Variants in GRAMD1B observed in about 807,000 individuals in gnomAD.
GRAMD1B encodes GRAM domain containing 1B, also known as protein Aster-B.
GRAMD1B carries 37 observed loss-of-function variants against 99.7 expected under a neutral mutation model. The observed-to-expected ratio is 0.37, with a 90% CI of 0.29 to 0.49. The LOEUF (loss-of-function observed/expected upper bound fraction) is 0.49. Among genes scored for constraint, GRAMD1B ranks in the 20% least tolerant of loss-of-function variants. GRAMD1B has a pLI of 0.98. For missense variants in GRAMD1B, 888 were observed against 1,009.2 expected (o/e 0.88, Z 1.63); for synonymous variants, 427 against 387.6 (o/e 1.10, Z -1.19).
chr11:123,477,437 G>A (rs913016282), intron 1 of GRAMD1B, among the ~76,000 whole-genome samples: 6 of 151,308 alleles, frequency 4.0e-5, no homozygotes, highest in African/African-American at 1.2e-4. Context: ...TGTCTTGAGC[G>A]AATGGCAAAC....
intron 2 of GRAMD1B, among the ~76,000 whole-genome samples, chr11:123,488,549 T>C (rs1230396764): frequency 1.3e-5 from 2 of 152,224 alleles, no homozygotes; most frequent in Non-Finnish European, 2.9e-5. Flanking sequence ...TGACTTAATA[T>C]GGCCATCAGG....
At chr11:123,523,960 T>A (rs995136592) in intron 2 of GRAMD1B, among the ~76,000 whole-genome samples, 15 of 152,380 alleles carry the variant, frequency 9.8e-5, no homozygotes, top group African/African-American at 3.4e-4. Context: ...AGCCAAGGGC[T>A]GCTTTGGGAA....
intron 1 of GRAMD1B, among the ~76,000 whole-genome samples, chr11:123,396,258 TTTTTC>T (rs1177441317): frequency 1.3e-5 from 2 of 151,528 alleles, no homozygotes; most frequent in Non-Finnish European, 2.9e-5. Flanking sequence ...ATTTTTTTCT[TTTTTC>T]TTTTCTTTTC....
intron 6 of GRAMD1B, among the ~76,000 whole-genome samples, chr11:123,595,131 C>T (rs967943633): frequency 4.6e-5 from 7 of 152,082 alleles, no homozygotes; most frequent in African/African-American, 9.7e-5. Context: ...GAGGCATAGT[C>T]AAGTAGAAAG....
intron 2 of GRAMD1B, among the ~76,000 whole-genome samples, chr11:123,561,280 TGCCTCCGG>T (rs1946738722): frequency 6.6e-6 from 1 of 152,152 alleles, no homozygotes; most frequent in Admixed American, 6.5e-5. Flanking sequence ...CCCTCCGCAG[TGCCTCCGG>T]CGGGGGTAGG....
chr11:123,437,124 G>A (rs1436203713), intron 1 of GRAMD1B, among the ~76,000 whole-genome samples: 1 of 152,138 alleles, frequency 6.6e-6, no homozygotes, highest in African/African-American at 2.4e-5. Flanking sequence ...TGGTGTATAT[G>A]TGCCACATTT....
intron 2 of GRAMD1B, among the ~76,000 whole-genome samples, chr11:123,531,198 A>T (rs1943333400): frequency 6.6e-6 from 1 of 152,148 alleles, no homozygotes; most frequent in East Asian, 1.9e-4. Flanking sequence ...TGGGAATTGG[A>T]GTTTTCCCGT....
chr11:123,487,770 C>A (rs560437715), intron 2 of GRAMD1B, among the ~76,000 whole-genome samples: 1 of 152,118 alleles, frequency 6.6e-6, no homozygotes, highest in African/African-American at 2.4e-5. Flanking sequence ...TCATGCCCAG[C>A]TAATTTTTGT....
Position 123,519,539 on chromosome 11 carries a change from G to A in GRAMD1B, c.452+38646G>A, listed in dbSNP as rs1317571071. Among the ~76,000 whole-genome samples, 8 of 152,136 alleles carry A rather than the reference G, an allele frequency of 5.3e-5. No homozygotes were observed. In the East Asian group the frequency reaches 5.8e-4, roughly 11 times the overall value. On this transcript the variant is annotated intron_variant, in intron 2 of 19. Transcript: ENST00000635736. ...GCTCCTTAAATATAACACTCTCAAC[G>A]CCTGATGACTCCCCTGCCTGAGCTT...
intron 2 of GRAMD1B, among the ~76,000 whole-genome samples, chr11:123,521,226 T>C (rs1942173518): frequency 6.6e-6 from 1 of 152,248 alleles, no homozygotes; most frequent in Non-Finnish European, 1.5e-5. Flanking sequence ...TTTGACTTTT[T>C]AATTTTTGTC....
At chr11:123,494,089 G>A (rs1430372516) in intron 2 of GRAMD1B, among the ~76,000 whole-genome samples, 5 of 152,156 alleles carry the variant, frequency 3.3e-5, no homozygotes, top group Non-Finnish European at 5.9e-5. Context: ...TGAGAGCAGG[G>A]ACCATCTTTG....
intron 3 of GRAMD1B, chr11:123,578,539 G>T (rs1948985911): frequency 8.8e-6 from 7 of 796,204 alleles, no homozygotes; most frequent in African/African-American, 1.7e-5. Context: ...CTTATATCCT[G>T]CTTGGTCCCT....
chr11:123,598,139 C>A, intron 7 of GRAMD1B: 1 of 1,583,642 alleles, frequency 6.3e-7, no homozygotes, highest in Non-Finnish European at 8.7e-7. Flanking sequence ...GATGCCCAAA[C>A]ACCTCATGCC....
chr11:123,398,477 T>C (rs939746751), intron 1 of GRAMD1B, among the ~76,000 whole-genome samples: 2 of 152,226 alleles, frequency 1.3e-5, no homozygotes, highest in African/African-American at 4.8e-5. Context: ...GGATTAATTT[T>C]TGAACACATG....
intron 2 of GRAMD1B, chr11:123,559,534 C>A (rs1175678224): frequency 9.6e-6 from 2 of 208,782 alleles, no homozygotes; most frequent in African/African-American, 2.4e-5. Flanking sequence ...TTATTAATAT[C>A]GTTGCTGAAT....
At chr11:123,423,754 G>C (rs1339835774) in intron 1 of GRAMD1B, among the ~76,000 whole-genome samples, 1 of 152,156 alleles carries the variant, frequency 6.6e-6, no homozygotes, top group Non-Finnish European at 1.5e-5. Context: ...AAAGCAAAGA[G>C]ACCCTTGTTT....
intron 1 of GRAMD1B, among the ~76,000 whole-genome samples, chr11:123,443,966 G>A (rs1231252133): frequency 1.3e-5 from 2 of 152,122 alleles, no homozygotes; most frequent in Non-Finnish European, 2.9e-5. Flanking sequence ...GAGTGTCTGG[G>A]TTAAGATAAG....
chr11:123,619,251 C>G, intron 19 of GRAMD1B, 27 bp downstream of exon 19: 1 of 1,549,388 alleles, frequency 6.5e-7, no homozygotes, highest in Non-Finnish European at 8.7e-7. Flanking sequence ...TCTCTGCTTG[C>G]CCTGGTCTTT....
chr11:123,431,585 A>T (rs1472471657), intron 1 of GRAMD1B, among the ~76,000 whole-genome samples: 2 of 152,214 alleles, frequency 1.3e-5, no homozygotes, highest in Non-Finnish European at 2.9e-5. Context: ...CCCTTTCTAC[A>T]GAAGGAGATA....
Sources: gnomAD v4.1 joint callset for allele counts (sites outside exome capture counted in the v4.1 genomes callset) on GRCh38, gnomAD v4.1.1 for gene constraint, MANE v1.5 for transcripts, NCBI Gene and HGNC (gene_info 2026-07-23, HGNC 2026-07-21) for gene names.